Variants in ALPK3 observed in about 807,000 individuals in gnomAD.
ALPK3 encodes alpha-protein kinase 3.
ALPK3 carries 102 observed loss-of-function variants against 140.0 expected under a neutral mutation model. The ratio of observed to expected loss-of-function variants is 0.73; its 90% confidence interval spans 0.62 to 0.86. The LOEUF is 0.86. Ranked by LOEUF, ALPK3 falls within the 40% of genes least tolerant of loss-of-function variation. ALPK3 has a pLI of 0.00. For synonymous variants in ALPK3, 938 were observed against 898.5 expected (o/e 1.04, Z -0.79); for missense variants, 2,254 against 2,208.2 (o/e 1.02, Z -0.42).
At chr15:84,833,714 C>T (rs966097309) in intron 3 of ALPK3, among the ~76,000 whole-genome samples, 3 of 152,196 alleles carry the variant, frequency 2.0e-5, no homozygotes, top group South Asian at 2.1e-4. Context: ...GAGTCATCTG[C>T]GCCAGTGCTC....
In ALPK3 at chr15:84,817,499, G is replaced by A; in HGVS notation, c.47G>A (p.Arg16Gln). 6 of 1,452,208 alleles carry A rather than the reference G, an allele frequency of 4.1e-6. No homozygotes were observed. The highest frequency in any genetic ancestry group is 4.5e-6 in the Non-Finnish European group (5 of 1,109,382). 90.0% of individuals were successfully genotyped at this position (1,452,208 alleles called of 1,614,324 possible). Residue 16 changes from arginine to glutamine, a missense_variant, in exon 1 of 14, where the codon CGG becomes CAG. Coordinates refer to ENST00000258888, the MANE Select transcript of ALPK3 (RefSeq NM_020778.5). Reference protein sequence around the residue: ...APSRGWGAGGRSGAGGDGEDD... With the variant: ...APSRGWGAGGQSGAGGDGEDD... The stretch of plus-strand genomic sequence containing the variant: ...AGCCGGGGCTGGGGCGCGGGTGGGC[G>A]GTCGGGGGCGGGGGGCGACGGTGAG...
At chr15:84,853,695 A>C (rs946274015) in intron 5 of ALPK3, among the ~76,000 whole-genome samples, 4 of 151,584 alleles carry the variant, frequency 2.6e-5, no homozygotes, top group Non-Finnish European at 2.9e-5. Flanking sequence ...CTTGAGCCCA[A>C]TAGGTTGAGG....
At chr15:84,827,691 G>A (rs1439256233) in intron 3 of ALPK3, 86 bp downstream of exon 3, 1 of 1,557,322 alleles carries the variant, frequency 6.4e-7, no homozygotes, top group East Asian at 2.3e-5. Flanking sequence ...ATGGTGGGGT[G>A]GCGGGCTGTG....
intron 5 of ALPK3, among the ~76,000 whole-genome samples, chr15:84,841,211 T>C (rs1963662326): frequency 6.6e-6 from 1 of 152,188 alleles, no homozygotes; most frequent in Non-Finnish European, 1.5e-5. Context: ...TGGAAGAAGA[T>C]AATGTTCTCT....
chr15:84,834,301 C>T (rs1442018557), intron 3 of ALPK3, among the ~76,000 whole-genome samples: 1 of 152,150 alleles, frequency 6.6e-6, no homozygotes, highest in African/African-American at 2.4e-5. Flanking sequence ...AATTAAAATA[C>T]CAGCCTGTGT....
intron 5 of ALPK3, among the ~76,000 whole-genome samples, chr15:84,850,879 T>TATATATATACACACAC (rs144798232): frequency 7.0e-6 from 1 of 142,366 alleles, no homozygotes; most frequent in Non-Finnish European, 1.5e-5. Context: ...GTTCCAGATA[T>TATATATATACACACAC]ACACACACAC....
rs143300163 is a variant in ALPK3 at position 84,868,451 on chromosome 15, C to T, written c.5113C>T (p.Arg1705Trp). ...GGAGGGCTCCAAGGCCCAGGGCATG[C>T]GGTAGCCTCCGCAGAGGCTGGGGGC... ...QEEGSKAQGM[R>W] Residue 1705 changes from arginine to tryptophan, a missense_variant, in exon 14 of 14, where the codon CGG becomes TGG. Physicochemically the swap from Arg to Trp is moderately radical, Grantham distance 101. Transcript: ENST00000258888. The T allele has an allele frequency of 1.6e-5, 26 of 1,605,162 alleles. No homozygotes were observed. Among genetic ancestry groups the T allele is most frequent in the African/African-American group, 2.7e-5 (2 of 74,886 alleles).
At position 84,857,008 on chromosome 15, in the gene ALPK3, T is replaced by G; in HGVS notation, c.2270T>G (p.Val757Gly). 1 of 1,614,128 alleles carries G rather than the reference T, an allele frequency of 6.2e-7. No homozygotes were observed. Among genetic ancestry groups the G allele is most frequent in the Non-Finnish European group, 8.5e-7 (1 of 1,180,022 alleles). The stretch of plus-strand genomic sequence containing the variant: ...GCTCCTCTGAATATTGAATGTTTTG[T>G]ACAGACCCCAGAAGGGTCTTGTTTC... ...PRAPLNIECF[V>G]QTPEGSCFPK... The change falls in exon 6 of 14, where the codon GTA becomes GGA. Residue 757 changes from valine (V) to glycine (G), a missense_variant. Transcript: ENST00000258888.
chr15:84,861,786 G>C (rs1270220985), intron 9 of ALPK3, among the ~76,000 whole-genome samples: 2 of 40,694 alleles, frequency 4.9e-5, no homozygotes, highest in Non-Finnish European at 4.4e-5. Flanking sequence ...ATAACGAGTT[G>C]GTGCCCTACC....
Position 84,840,905 on chromosome 15 carries a change from G to A in ALPK3, c.1626G>A (p.Gly542=). Reference sequence around the variant, plus strand: ...GCACCCGGGACAGCACGTTGCAGGGGCAAGCAGGCCACAGGACTCCAGGAG... The same window carrying A: ...GCACCCGGGACAGCACGTTGCAGGGACAAGCAGGCCACAGGACTCCAGGAG... ...RHGTRDSTLQ[G]QAGHRTPGEV... Residue 542 remains glycine, a synonymous_variant, in exon 5 of 14, where the codon GGG becomes GGA. Coordinates refer to ENST00000258888, the MANE Select transcript of ALPK3 (RefSeq NM_020778.5). The A allele has an allele frequency of 6.2e-7, 1 of 1,608,208 alleles. No homozygotes were observed.
At position 84,840,577 on chromosome 15, in the gene ALPK3, G is replaced by A; in HGVS notation, c.1298G>A (p.Gly433Glu). The change falls in exon 5 of 14, where the codon GGA becomes GAA. Residue 433 changes from glycine (G) to glutamate (E), a missense_variant. By Grantham distance (98) the Gly-to-Glu change is moderately conservative. This residue lies in a region of ALPK3 where 2,088 missense variants were observed against 2,022.9 expected (regional missense o/e 1.03). Coordinates refer to ENST00000258888, the MANE Select transcript of ALPK3 (RefSeq NM_020778.5). ...TQAVRPLGEEGPQTLSVRAPG... is the reference protein window; with the variant it reads ...TQAVRPLGEEEPQTLSVRAPG... ...GCAGTCAGGCCTCTTGGGGAAGAGG[G>A]ACCCCAGACCCTGAGTGTCCGGGCG... is the stretch of plus-strand genomic sequence containing the variant. 6.3e-7 allele frequency: 1 copy of A among 1,575,194 alleles called. No individual in the cohort carries two copies. The highest frequency in any genetic ancestry group is 1.9e-5 in the Admixed American group (1 of 53,756).
chr15:84,859,092 G>C, intron 6 of ALPK3, 151 bp from the exon 7 acceptor site: 1 of 1,058,286 alleles, frequency 9.4e-7, no homozygotes, highest in South Asian at 1.6e-5. Flanking sequence ...TGAGATATAG[G>C]CAGGAGGCAC....
At chr15:84,862,124 T>C (rs993549473) in intron 9 of ALPK3, among the ~76,000 whole-genome samples, 4 of 152,176 alleles carry the variant, frequency 2.6e-5, no homozygotes, top group African/African-American at 9.7e-5. Context: ...CTGGTTTCCC[T>C]TTAATGGGAA....
intron 2 of ALPK3, among the ~76,000 whole-genome samples, chr15:84,824,165 T>G (rs1364987245): frequency 6.6e-6 from 1 of 152,238 alleles, no homozygotes; most frequent in African/African-American, 2.4e-5. Context: ...TTCCTTTCCT[T>G]TGGTTCCTCC....
intron 5 of ALPK3, among the ~76,000 whole-genome samples, chr15:84,853,606 T>G (rs1229005707): frequency 6.6e-6 from 1 of 151,890 alleles, no homozygotes; most frequent in Non-Finnish European, 1.5e-5. Flanking sequence ...AGAGCGAGAC[T>G]CCGTCTCAAA....
Position 84,868,451 on chromosome 15 carries a change from CG to C in ALPK3, c.5115del (p.Ter1706SerfsTer50), listed in dbSNP as rs753251432. On this transcript the variant is annotated frameshift_variant, in exon 14 of 14. Coordinates refer to ENST00000258888, the MANE Select transcript of ALPK3 (RefSeq NM_020778.5). LOFTEE classifies it high-confidence loss of function. ...QEEGSKAQGMR is the reference protein window; with the variant it reads ...QEEGSKAQGMX The stretch of plus-strand genomic sequence containing the variant: ...GGAGGGCTCCAAGGCCCAGGGCATG[CG>C]GTAGCCTCCGCAGAGGCTGGGGGCC... 6.8e-5 allele frequency: 109 copies of C among 1,605,162 alleles called. No homozygotes were observed. The highest frequency in any genetic ancestry group is 9.2e-5 in the Non-Finnish European group (108 of 1,179,038).
In ALPK3 at chr15:84,839,986, C is replaced by T; in HGVS notation, c.707C>T (p.Ser236Leu). 1.2e-6 allele frequency: 2 copies of T among 1,612,826 alleles called. No homozygotes were observed. Among genetic ancestry groups the T allele is most frequent in the Non-Finnish European group, 8.5e-7 (1 of 1,179,428 alleles). The change falls in exon 5 of 14, where the codon TCG becomes TTG. Residue 236 changes from serine (S) to leucine (L), a missense_variant. Ser to Leu is a moderately radical substitution (Grantham distance 145). This residue lies in a region of ALPK3 where 2,088 missense variants were observed against 2,022.9 expected (regional missense o/e 1.03). Transcript: ENST00000258888. ...RLSGAQAPGP[S>L]VPTREPEGGT... ...AGCGGGGCTCAAGCGCCGGGCCCCTCGGTCCCTACCAGGGAGCCTGAGGGT... is the reference window on the plus strand; with the variant it reads ...AGCGGGGCTCAAGCGCCGGGCCCCTTGGTCCCTACCAGGGAGCCTGAGGGT...
Position 84,857,762 on chromosome 15 carries a change from C to G in ALPK3, c.3024C>G (p.Pro1008=), listed in dbSNP as rs755638287. The G allele has an allele frequency of 7.4e-6, 12 of 1,612,982 alleles. No homozygotes were observed. The highest frequency in any genetic ancestry group is 7.6e-6 in the Non-Finnish European group (9 of 1,179,372). ...TPTVEVAGLS[P]RTSRRILERV... ...CTGTGGAAGTGGCTGGGCTTAGTCC[C>G]CGGACATCGAGGCGCATCCTGGAGC... The change falls in exon 6 of 14, where the codon CCC becomes CCG. Residue 1008 remains proline (P), a synonymous_variant. Transcript: ENST00000258888.
rs773170629 is a variant in ALPK3, at chr15:84,864,690, G to A, written c.4723+25G>A. 3.1e-6 allele frequency: 5 copies of A among 1,607,218 alleles called. No individual in the cohort carries two copies. The East Asian group carries it at 1.1e-4, about 36-fold the overall frequency. ...GGTACGAGGGTGTGAGGGTGCACGGGTACGCATGTGCATGGATGTGAAAGC... is the reference window on the plus strand; with the variant it reads ...GGTACGAGGGTGTGAGGGTGCACGGATACGCATGTGCATGGATGTGAAAGC... On this transcript the variant is annotated intron_variant, in intron 12 of 13. Transcript: ENST00000258888.
Sources: gnomAD v4.1 joint callset for allele counts (sites outside exome capture counted in the v4.1 genomes callset) on GRCh38, gnomAD v4.1.1 for gene constraint, gnomAD v4.1.1 regional missense constraint, MANE v1.5 for transcripts, NCBI Gene and HGNC (gene_info 2026-07-23, HGNC 2026-07-21) for gene names.